The following GLS2 variants were observed in gnomAD, a reference collection of about 807,000 sequenced individuals.
GLS2 encodes the protein glutaminase liver isoform, mitochondrial.
GLS2 carries 52 observed loss-of-function variants against 79.0 expected under a neutral mutation model. That is an observed-to-expected ratio of 0.66 (90% CI 0.53 to 0.83). GLS2 has a LOEUF of 0.83. GLS2 is among the 40% of genes least tolerant of loss of function. GLS2 has a pLI of 0.00. For missense variants in GLS2, 561 were observed against 764.8 expected, an observed-to-expected ratio of 0.73 and a Z score of 3.14; for synonymous variants, 238 against 280.8, an observed-to-expected ratio of 0.85 and a Z score of 1.52.
At position 56,472,072 on chromosome 12, in the gene GLS2, A is replaced by G. The variant is rs151170843; in HGVS notation, c.1588+47T>C. 148 of 1,587,516 alleles carry G rather than the reference A, an allele frequency of 9.3e-5. 1 individual carries two copies. In the African/African-American group the frequency reaches 9.8e-4, roughly 11 times the overall value. On this transcript the variant is annotated intron_variant, in intron 16 of 17. Transcript: ENST00000311966. The stretch of plus-strand genomic sequence containing the variant: ...TGAAGGTACTTTTGGTGAAAAAGAA[A>G]GGGTCTTATGATTACCCTCCTCCTC...
intron 3 of GLS2, chr12:56,479,577 G>A: frequency 1.8e-6 from 1 of 565,050 alleles, no homozygotes; most frequent in Non-Finnish European, 2.8e-6. Flanking sequence ...AGAGGACAGG[G>A]ATTGAGTAGG....
intron 1 of GLS2, among the ~76,000 whole-genome samples, chr12:56,486,093 A>T (rs1045495226): frequency 1.3e-5 from 2 of 151,198 alleles, no homozygotes; most frequent in African/African-American, 2.4e-5. Context: ...ATAACAGCGC[A>T]TTTCCTCTTT....
At chr12:56,480,947 A>C (rs1870229469) in intron 1 of GLS2, among the ~76,000 whole-genome samples, 1 of 152,130 alleles carries the variant, frequency 6.6e-6, no homozygotes, top group Non-Finnish European at 1.5e-5. Context: ...ATATTGCTGA[A>C]CTTGCTTCCT....
rs1397935724 is a variant in GLS2 at position 56,488,086 on chromosome 12, C to G, written c.33G>C (p.Leu11=). The part of the protein sequence containing the change: MRSMKALQKA[L]SRAGSHCGRG... ...GCCCGCAGTGACTGCCAGCCCGGCT[C>G]AGGGCCTTCTGCAGAGCCTTCATGG... The change falls in exon 1 of 18, where the codon CTG becomes CTC. Residue 11 remains leucine (L), a synonymous_variant. Coordinates refer to ENST00000311966, the MANE Select transcript of GLS2 (RefSeq NM_013267.4). 5 of 1,568,564 alleles carry G rather than the reference C, an allele frequency of 3.2e-6. No individual in the cohort carries two copies. Among genetic ancestry groups the G allele is most frequent in the Non-Finnish European group, 4.3e-6 (5 of 1,164,140 alleles).
In GLS2 at chr12:56,471,312, C is replaced by A; in HGVS notation, c.*175G>T. 1 of 649,436 alleles carries A rather than the reference C, an allele frequency of 1.5e-6. No individual in the cohort carries two copies. Among genetic ancestry groups the A allele is most frequent in the South Asian group, 2.2e-5 (1 of 46,418 alleles). The allele number at this position is 649,436 out of a possible 1,614,324, so 40.2% of individuals were successfully genotyped here. A position where few individuals can be genotyped will look rare whatever the true frequency, so the allele number is the denominator to read the frequency against. On this transcript the variant is annotated 3_prime_UTR_variant, in exon 18 of 18. Coordinates refer to ENST00000311966, the MANE Select transcript of GLS2 (RefSeq NM_013267.4). ...TCTGAGGCCCTTCTCTGTACTCTGT[C>A]TGCTGAGGGAATGGGGTATTTTGAC...
chr12:56,478,241 G>A lies in GLS2; in HGVS notation c.556C>T (p.Leu186=). 2 of 1,614,256 alleles carry A rather than the reference G, an allele frequency of 1.2e-6. No homozygotes were observed. The highest frequency in any genetic ancestry group is 1.7e-6 in the Non-Finnish European group (2 of 1,180,052). The change falls in exon 5 of 18, where the codon CTG becomes TTG. Residue 186 remains leucine (L), a synonymous_variant. Transcript: ENST00000311966. ...GGKVAAYIPQ[L]AKSNPDLWGV... ...CACAGGTCTGGGTTTGACTTGGCCA[G>A]CTGAGGGATGTAGGCTGCCACCTGG...
intron 5 of GLS2, 29 bp downstream of exon 5, chr12:56,478,154 C>G (rs372940400): frequency 6.2e-7 from 1 of 1,614,150 alleles, no homozygotes; most frequent in South Asian, 1.1e-5. Flanking sequence ...CTGTGCCCTG[C>G]CTCCCCTTCC....
At chr12:56,478,919 G>T (rs562645028) in intron 4 of GLS2, 133 bp downstream of exon 4, 2 of 1,114,472 alleles carry the variant, frequency 1.8e-6, no homozygotes, top group African/African-American at 1.6e-5. Context: ...GGGAGGTGGA[G>T]GTTGCAGTGA....
rs145217220 is a variant in GLS2 at position 56,471,290 on chromosome 12, G to A, written c.*197C>T. 6.9e-4 allele frequency: 397 copies of A among 572,746 alleles called. 1 individual carries two copies. Among genetic ancestry groups the A allele is most frequent in the African/African-American group, 5.3e-3 (286 of 53,476 alleles). The allele number at this position is 572,746 out of a possible 1,614,324, so 35.5% of individuals were successfully genotyped here. A position where few individuals can be genotyped will look rare whatever the true frequency, so the allele number is the denominator to read the frequency against. Reference sequence around the variant, plus strand: ...GATAGCTGTACTGCAGGTGTCCTCTGAGGCCCTTCTCTGTACTCTGTCTGC... The same window carrying A: ...GATAGCTGTACTGCAGGTGTCCTCTAAGGCCCTTCTCTGTACTCTGTCTGC... On this transcript the variant is annotated 3_prime_UTR_variant, in exon 18 of 18. Transcript: ENST00000311966.
At chr12:56,480,182 C>T (rs1592280026) in intron 2 of GLS2, 106 bp downstream of exon 2, 1 of 970,808 alleles carries the variant, frequency 1.0e-6, no homozygotes, top group East Asian at 2.5e-5. Flanking sequence ...ATGCTTCACC[C>T]TCATGTAGCA....
chr12:56,487,581 T>C, intron 1 of GLS2: 1 of 340,902 alleles, frequency 2.9e-6, no homozygotes, highest in Non-Finnish European at 5.4e-6. Context: ...ACGCATCTCC[T>C]AAAATACACA....
In GLS2 at chr12:56,471,844, T is replaced by A. The variant is rs1208102846; in HGVS notation, c.1589-8A>T. On this transcript the variant is annotated splice_polypyrimidine_tract_variant and splice_region_variant and intron_variant, in intron 16 of 17. Transcript: ENST00000311966. ...TAACAACTTCGATGTGTCCTAGGAA[T>A]ATGGGCAGAAGGAAAATGAGAAGGC... is the stretch of plus-strand genomic sequence containing the variant. 1.9e-6 allele frequency: 3 copies of A among 1,613,692 alleles called. No homozygotes were observed. The highest frequency in any genetic ancestry group is 3.3e-5 in the Admixed American group (2 of 60,008).
At chr12:56,487,289 T>G (rs999900310) in intron 1 of GLS2, among the ~76,000 whole-genome samples, 2 of 152,204 alleles carry the variant, frequency 1.3e-5, no homozygotes, top group Non-Finnish European at 2.9e-5. Context: ...TTCTGGAGCC[T>G]GGGCAGCACA....
At chr12:56,487,844 G>T (rs1386897527) in intron 1 of GLS2, 93 bp downstream of exon 1, 30 of 1,377,610 alleles carry the variant, frequency 2.2e-5, no homozygotes, top group Non-Finnish European at 2.8e-5. Flanking sequence ...GGGGAGATGA[G>T]CGGCGCTGCC....
chr12:56,477,897 A>G (rs1438459861), intron 6 of GLS2, 36 bp downstream of exon 6: 1 of 1,596,058 alleles, frequency 6.3e-7, no homozygotes, highest in Non-Finnish European at 8.5e-7. Flanking sequence ...AGAAGGGGAC[A>G]GCTGTAAGTA....
chr12:56,472,577 A>G (rs553584375), intron 15 of GLS2, 113 bp downstream of exon 15: 22 of 930,898 alleles, frequency 2.4e-5, no homozygotes, highest in African/African-American at 1.8e-4. Flanking sequence ...AATGCAATCT[A>G]TATCCATTCT....
rs767616017 is a variant in GLS2, at chr12:56,481,199, C to CTTTT, written c.183-816_183-813dup. On this transcript the variant is annotated intron_variant, in intron 1 of 17. Transcript: ENST00000311966. ...CCACCTTCTAAAATGTGCCAGTGAT[C>CTTTT]TTTTTTTTTTTTTTTTTTTTTTTTG... Among the ~76,000 whole-genome samples, 246 of 79,024 alleles carry CTTTT rather than the reference C, an allele frequency of 3.1e-3. 1 individual carries two copies. Among genetic ancestry groups the CTTTT allele is most frequent in the Middle Eastern group, 0.015 (1 of 68 alleles). 51.8% of individuals were successfully genotyped at this position (79,024 alleles called of 152,430 possible).
chr12:56,480,322 C>G lies in GLS2; in HGVS notation c.248G>C (p.Gly83Ala), dbSNP rs1283338855. The stretch of plus-strand genomic sequence containing the variant: ...CTTGTGGATAGGGATTCGTTCCTGT[C>G]CTTCAGCAATAGTGTAAAAGAGCAA... Reference protein sequence around the residue: ...GDLLFYTIAEGQERIPIHKFT... With the variant: ...GDLLFYTIAEAQERIPIHKFT... The change falls in exon 2 of 18, where the codon GGA (glycine) becomes GCA (alanine). Residue 83 changes from glycine (G) to alanine (A), a missense_variant. By Grantham distance (60) the Gly-to-Ala change is moderately conservative (BLOSUM62 0). Transcript: ENST00000311966. The G allele has an allele frequency of 6.2e-7, 1 of 1,614,018 alleles. No individual in the cohort carries two copies. Among genetic ancestry groups the G allele is most frequent in the Non-Finnish European group, 8.5e-7 (1 of 1,180,034 alleles).
intron 14 of GLS2, 136 bp downstream of exon 14, chr12:56,473,090 CGT>C: frequency 1.3e-6 from 1 of 756,926 alleles, no homozygotes; most frequent in Non-Finnish European, 2.2e-6. Context: ...CAGGTTTCAC[CGT>C]GTTAGCCAGG....
Sources: gnomAD v4.1 joint callset for allele counts (sites outside exome capture counted in the v4.1 genomes callset) on GRCh38, gnomAD v4.1.1 for gene constraint, MANE v1.5 for transcripts, NCBI Gene and HGNC (gene_info 2026-07-23, HGNC 2026-07-21) for gene names.